CEP83: variants seen among roughly 807,000 people sequenced by gnomAD.
CEP83 encodes the protein centrosomal protein of 83 kDa.
Under a neutral mutation model 101.9 loss-of-function variants are expected in CEP83, and 70 were observed. That is an observed-to-expected ratio of 0.69 (90% confidence interval 0.57 to 0.84). The LOEUF is 0.84. Ranked by LOEUF, CEP83 falls within the 40% of genes least tolerant of loss-of-function variation. The pLI is 0.00. For synonymous variants in CEP83, 264 were observed against 267.9 expected (o/e 0.99, Z 0.14); for missense variants, 715 against 787.2 (o/e 0.91, Z 1.10).
At chr12:94,421,617 T>C (rs1337748246) in intron 2 of CEP83, among the ~76,000 whole-genome samples, 2 of 152,206 alleles carry the variant, frequency 1.3e-5, no homozygotes, top group Non-Finnish European at 2.9e-5. Context: ...AATGCACAAA[T>C]ATTATCTCCA....
At chr12:94,384,529 A>G (rs2062025317) in intron 6 of CEP83, among the ~76,000 whole-genome samples, 1 of 152,168 alleles carries the variant, frequency 6.6e-6, no homozygotes, top group Non-Finnish European at 1.5e-5. Flanking sequence ...AGGGACAGAA[A>G]TCTTAGATCT....
chr12:94,386,037 T>C (rs1014619989), intron 6 of CEP83, among the ~76,000 whole-genome samples: 2 of 152,188 alleles, frequency 1.3e-5, no homozygotes, highest in African/African-American at 4.8e-5. Context: ...GGTGCATATA[T>C]GTATAGTCCA....
chr12:94,280,849 C>G, the CEP83 span, among the ~76,000 whole-genome samples: 1 of 152,188 alleles, frequency 6.6e-6, no homozygotes, highest in Non-Finnish European at 1.5e-5. Context: ...TTGGGTGTCC[C>G]TTGCCTCCTA....
At chr12:94,401,581 C>A (rs77684601) in intron 5 of CEP83, among the ~76,000 whole-genome samples, 1 of 152,074 alleles carries the variant, frequency 6.6e-6, no homozygotes, top group Admixed American at 6.5e-5. Context: ...GAATACCCAA[C>A]AAGAAACTCA....
At chr12:94,367,338 A>G (rs1454083450) in intron 11 of CEP83, among the ~76,000 whole-genome samples, 1 of 152,162 alleles carries the variant, frequency 6.6e-6, no homozygotes, top group African/African-American at 2.4e-5. Flanking sequence ...AAGGGGCCAA[A>G]TCATGGAAAT....
the CEP83 span, chr12:94,300,994 T>A: frequency 6.2e-7 from 1 of 1,613,854 alleles, no homozygotes. Context: ...TAGACGGCTG[T>A]TTGTCAGTGA....
chr12:94,318,307 G>C (rs1971054413), intron 14 of CEP83, among the ~76,000 whole-genome samples: 1 of 152,094 alleles, frequency 6.6e-6, no homozygotes, highest in African/African-American at 2.4e-5. Flanking sequence ...GGAGCTTTTT[G>C]GATTGAGACT....
intron 11 of CEP83, among the ~76,000 whole-genome samples, chr12:94,336,461 T>A (rs1355173944): frequency 1.3e-5 from 2 of 152,222 alleles, no homozygotes; most frequent in Non-Finnish European, 2.9e-5. Context: ...TCTGCCCAAG[T>A]AGAATGTGTT....
chr12:94,385,088 C>T (rs76974577), intron 6 of CEP83, among the ~76,000 whole-genome samples: 6,621 of 152,152 alleles, frequency 0.044, 196 homozygotes, highest in East Asian at 0.081. Flanking sequence ...ATTACTACCA[C>T]GAGGAGGTAG....
chr12:94,418,078 A>G (rs1051552105), intron 2 of CEP83, among the ~76,000 whole-genome samples: 13 of 152,082 alleles, frequency 8.5e-5, no homozygotes, highest in African/African-American at 3.1e-4. Flanking sequence ...ACTGAAAAAT[A>G]CGGCTAAGCC....
the CEP83 span, among the ~76,000 whole-genome samples, chr12:94,272,629 G>T: frequency 6.6e-6 from 1 of 152,198 alleles, no homozygotes; most frequent in Non-Finnish European, 1.5e-5. Flanking sequence ...CTTCCCACTG[G>T]GCATGGTGGC....
intron 11 of CEP83, among the ~76,000 whole-genome samples, chr12:94,358,501 C>T (rs1351715286): frequency 6.6e-6 from 1 of 152,124 alleles, no homozygotes; most frequent in Admixed American, 6.5e-5. Context: ...TTGGATAGAA[C>T]AATGGCTGCT....
intron 5 of CEP83, 63 bp from the exon 6 acceptor site, chr12:94,401,044 C>A: frequency 1.1e-6 from 1 of 872,956 alleles, no homozygotes; most frequent in Non-Finnish European, 1.6e-6. Context: ...CCAATAGTCA[C>A]TTTTACAAAT....
At chr12:94,294,074 G>C in the CEP83 span, among the ~76,000 whole-genome samples, 1 of 152,170 alleles carries the variant, frequency 6.6e-6, no homozygotes, top group Non-Finnish European at 1.5e-5. Context: ...TCAGTCCATA[G>C]CAAGTAACAA....
At chr12:94,289,236 T>C in the CEP83 span, among the ~76,000 whole-genome samples, 1 of 152,214 alleles carries the variant, frequency 6.6e-6, no homozygotes, top group South Asian at 2.1e-4. Flanking sequence ...GTTGTTGATA[T>C]GGGTCTTTTT....
chr12:94,312,465 T>C (rs978742267), intron 15 of CEP83: 4 of 444,872 alleles, frequency 9.0e-6, no homozygotes, highest in African/African-American at 4.3e-5. Flanking sequence ...GACAAATCTC[T>C]GCTTTAAAAA....
chr12:94,325,801 A>G (rs1217319710), intron 14 of CEP83, among the ~76,000 whole-genome samples: 1 of 152,202 alleles, frequency 6.6e-6, no homozygotes, highest in Non-Finnish European at 1.5e-5. Context: ...TTCTTATTTT[A>G]GGTTGAATAA....
chr12:94,303,749 T>TCC (rs67648319), downstream of CEP83: 262 of 1,344,566 alleles, frequency 1.9e-4, no homozygotes, highest in African/African-American at 1.9e-3. Flanking sequence ...TTTTTTTTTT[T>TCC]CCCCAGGAAG....
At chr12:94,363,851 G>C (rs1386404063) in intron 11 of CEP83, among the ~76,000 whole-genome samples, 1 of 151,716 alleles carries the variant, frequency 6.6e-6, no homozygotes, top group African/African-American at 2.4e-5. Context: ...GGGAGACTAA[G>C]GCAGGAGAAT....
Sources: gnomAD v4.1 joint callset for allele counts (sites outside exome capture counted in the v4.1 genomes callset) on GRCh38, gnomAD v4.1.1 for gene constraint, MANE v1.5 for transcripts, NCBI Gene and HGNC (gene_info 2026-07-23, HGNC 2026-07-21) for gene names.